Variants in ASTN1 observed in about 807,000 individuals in gnomAD.
The protein encoded by ASTN1 is astrotactin 1, also known as astrotactin-1.
Under a neutral mutation model 140.7 loss-of-function variants are expected in ASTN1, and 41 were observed. The ratio of observed to expected loss-of-function variants is 0.29; its 90% CI spans 0.23 to 0.38. The LOEUF (loss-of-function observed/expected upper bound fraction) is 0.38, where lower values mean the gene tolerates loss of function less well. Ranked by LOEUF, ASTN1 falls within the 10% of genes least tolerant of loss-of-function variation. ASTN1 has a pLI of 1.00. For missense variants in ASTN1, 1,479 were observed against 1,678.8 expected, an observed-to-expected ratio of 0.88 and a Z score of 2.08; for synonymous variants, 640 against 652.2, an observed-to-expected ratio of 0.98 and a Z score of 0.29.
chr1:176,928,947 GA>G (rs1400284359), intron 16 of ASTN1, among the ~76,000 whole-genome samples: 1 of 152,218 alleles, frequency 6.6e-6, no homozygotes, highest in Non-Finnish European at 1.5e-5. Context: ...GCATTCAAGA[GA>G]GAAAATTTCT....
chr1:177,155,101 G>C (rs188734025), intron 1 of ASTN1, among the ~76,000 whole-genome samples: 1 of 152,238 alleles, frequency 6.6e-6, no homozygotes, highest in East Asian at 1.9e-4. Flanking sequence ...AGGAAAAGAG[G>C]CAAGTCTAAA....
chr1:177,113,347 C>T (rs149067802), intron 1 of ASTN1, among the ~76,000 whole-genome samples: 108 of 152,306 alleles, frequency 7.1e-4, no homozygotes, highest in African/African-American at 2.3e-3. Flanking sequence ...CCAGGTTGAG[C>T]AGCCCTTCCT....
intron 14 of ASTN1, among the ~76,000 whole-genome samples, chr1:176,938,837 G>A (rs1379903887): frequency 1.3e-5 from 2 of 152,190 alleles, no homozygotes; most frequent in African/African-American, 4.8e-5. Flanking sequence ...GAGAAAGCTG[G>A]GCGTGGTGGC....
downstream of ASTN1, among the ~76,000 whole-genome samples, chr1:176,860,073 C>T (rs956404917): frequency 6.6e-6 from 1 of 152,178 alleles, no homozygotes; most frequent in African/African-American, 2.4e-5. Context: ...GGTCTCAGCA[C>T]AGTGGCCTTG....
intron 1 of ASTN1, among the ~76,000 whole-genome samples, chr1:177,101,821 C>T (rs1680314002): frequency 1.3e-5 from 2 of 152,152 alleles, no homozygotes; most frequent in African/African-American, 4.8e-5. Flanking sequence ...GCAGCCTTTC[C>T]TTCCCTGCCC....
intron 2 of ASTN1, among the ~76,000 whole-genome samples, chr1:177,042,598 T>C (rs949058261): frequency 2.0e-5 from 3 of 152,248 alleles, no homozygotes; most frequent in Non-Finnish European, 2.9e-5. Flanking sequence ...TTATTGTGTT[T>C]ACCACATGCC....
intron 19 of ASTN1, among the ~76,000 whole-genome samples, 173 bp downstream of exon 19, chr1:176,884,166 T>G (rs1668927905): frequency 6.6e-6 from 1 of 152,190 alleles, no homozygotes; most frequent in African/African-American, 2.4e-5. Context: ...GGCTGCTGCT[T>G]GGAAGAACAG....
intron 16 of ASTN1, among the ~76,000 whole-genome samples, chr1:176,901,562 T>A (rs565485500): frequency 6.6e-6 from 1 of 152,306 alleles, no homozygotes; most frequent in Admixed American, 6.5e-5. Context: ...GGATTTGGCA[T>A]ATATGCTCTC....
At chr1:176,944,980 G>A (rs1444642199) in intron 13 of ASTN1, among the ~76,000 whole-genome samples, 1 of 152,152 alleles carries the variant, frequency 6.6e-6, no homozygotes, top group Admixed American at 6.5e-5. Context: ...GCTCATGAGG[G>A]TCTAGGCCCA....
chr1:177,024,806 A>T lies in ASTN1; in HGVS notation c.1121-74T>A, dbSNP rs1484140987. 2.6e-6 allele frequency: 4 copies of T among 1,520,464 alleles called. No homozygotes were observed. The East Asian group carries it at 9.2e-5, about 35-fold the overall frequency. 94.2% of individuals were successfully genotyped at this position (1,520,464 alleles called of 1,614,324 possible). On this transcript the variant is annotated intron_variant, in intron 5 of 22. Transcript: ENST00000361833. ...TGAGAGTCCAACTTGGCTTTTTGCC[A>T]ATCATCCTGGCAAACAGGGGAGACA...
At chr1:177,065,571 G>A (rs758333552) in intron 1 of ASTN1, among the ~76,000 whole-genome samples, 15 of 152,178 alleles carry the variant, frequency 9.9e-5, no homozygotes, top group Non-Finnish European at 1.9e-4. Flanking sequence ...CCAAATGGGA[G>A]AAAATGTTGG....
intron 1 of ASTN1, among the ~76,000 whole-genome samples, chr1:177,094,523 C>A (rs981989709): frequency 1.3e-5 from 2 of 152,194 alleles, no homozygotes; most frequent in African/African-American, 4.8e-5. Flanking sequence ...TGAGAAGCCA[C>A]CATCTTTGAA....
intron 7 of ASTN1, among the ~76,000 whole-genome samples, chr1:177,016,794 A>G (rs958621209): frequency 2.6e-5 from 4 of 152,230 alleles, no homozygotes; most frequent in African/African-American, 9.6e-5. Flanking sequence ...AGATATTTAC[A>G]CCTCACCCCC....
intron 16 of ASTN1, among the ~76,000 whole-genome samples, chr1:176,897,876 C>A (rs1175114770): frequency 6.6e-6 from 1 of 152,162 alleles, no homozygotes; most frequent in Non-Finnish European, 1.5e-5. Flanking sequence ...TGCCTTTTCT[C>A]GCACCTTAAA....
At chr1:176,962,043 A>G (rs1364613440) in intron 9 of ASTN1, among the ~76,000 whole-genome samples, 1 of 152,238 alleles carries the variant, frequency 6.6e-6, no homozygotes, top group African/African-American at 2.4e-5. Context: ...GAATGTGAGG[A>G]AACGGATCAA....
chr1:177,134,881 C>A (rs953063382), intron 1 of ASTN1, among the ~76,000 whole-genome samples: 1 of 152,042 alleles, frequency 6.6e-6, no homozygotes, highest in African/African-American at 2.4e-5. Context: ...CCAAAGCTAC[C>A]CATTTTGGTT....
intron 2 of ASTN1, among the ~76,000 whole-genome samples, chr1:177,054,269 A>T (rs1055241333): frequency 2.0e-5 from 3 of 152,212 alleles, no homozygotes; most frequent in African/African-American, 7.2e-5. Context: ...AATAAAAAAT[A>T]AGTTAAAATA....
chr1:177,072,960 G>T (rs1172089821), intron 1 of ASTN1, among the ~76,000 whole-genome samples: 1 of 152,026 alleles, frequency 6.6e-6, no homozygotes, highest in Non-Finnish European at 1.5e-5. Flanking sequence ...AAAAAAAAAA[G>T]TGCTGGGTTT....
chr1:177,149,376 T>C (rs539272387), intron 1 of ASTN1, among the ~76,000 whole-genome samples: 1 of 77,376 alleles, frequency 1.3e-5, no homozygotes, highest in Non-Finnish European at 2.0e-5. Context: ...ATATAGTATA[T>C]ATAGTAAATA....
Sources: gnomAD v4.1 joint callset for allele counts (sites outside exome capture counted in the v4.1 genomes callset) on GRCh38, gnomAD v4.1.1 for gene constraint, MANE v1.5 for transcripts, NCBI Gene and HGNC (gene_info 2026-07-23, HGNC 2026-07-21) for gene names.